The following NEGR1 variants were observed in gnomAD, a reference collection of about 807,000 sequenced individuals.
NEGR1 encodes IgLON family member 4.
In NEGR1, 10 loss-of-function variants were observed where a neutral mutation model predicts 40.9. The observed-to-expected ratio is 0.24, with a 90% CI of 0.15 to 0.42. The LOEUF (loss-of-function observed/expected upper bound fraction) is 0.42. Among genes scored for constraint, NEGR1 ranks in the 10% least tolerant of loss-of-function variants. The pLI is 1.00. For synonymous variants in NEGR1, 185 were observed against 166.8 expected (o/e 1.11, Z -0.84); for missense variants, 352 against 438.9 (o/e 0.80, Z 1.77).
chr1:71,867,234 T>C (rs1660142693), intron 2 of NEGR1, among the ~76,000 whole-genome samples: 2 of 151,854 alleles, frequency 1.3e-5, no homozygotes, highest in Non-Finnish European at 2.9e-5. Context: ...AATAGCCAGG[T>C]GTGGTGGCCC....
chr1:71,443,117 T>C (rs1251201399), intron 6 of NEGR1, among the ~76,000 whole-genome samples: 1 of 152,232 alleles, frequency 6.6e-6, no homozygotes, highest in African/African-American at 2.4e-5. Context: ...CCGATTTGTG[T>C]TCTTCATTCG....
chr1:71,405,428 A>G lies in NEGR1; in HGVS notation c.*2018T>C, dbSNP rs1009579925. ...AAGCTGCAATACAAAATAATATTTT[A>G]TAGTTTATTCAACAATTCCACAAAG... On this transcript the variant is annotated 3_prime_UTR_variant, in exon 7 of 7. Coordinates refer to ENST00000357731, the MANE Select transcript of NEGR1 (RefSeq NM_173808.3). 6.6e-6 allele frequency: 1 copy of G among 152,336 alleles called. No homozygotes were observed. The highest frequency in any genetic ancestry group is 1.5e-5 in the Non-Finnish European group (1 of 67,816). 9.4% of individuals were successfully genotyped at this position (152,336 alleles called of 1,614,324 possible).
At chr1:71,896,927 G>T (rs1413451475) in intron 2 of NEGR1, among the ~76,000 whole-genome samples, 2 of 152,054 alleles carry the variant, frequency 1.3e-5, no homozygotes, top group Admixed American at 6.6e-5. Context: ...AAAAAATGAA[G>T]CTTGGAGAGG....
chr1:72,146,026 C>T lies in NEGR1; in HGVS notation c.176+136293G>A, dbSNP rs1000784102. ...GTTTTCACATGCTGTGTATTTCTCT[C>T]CTCTTTTCTTTTGGCTGTTGTGGTG... On this transcript the variant is annotated intron_variant, in intron 1 of 6. Transcript: ENST00000357731. Among the ~76,000 whole-genome samples the T allele has an allele frequency of 1.4e-4, 21 of 151,838 alleles. No homozygotes were observed. In the East Asian group the frequency reaches 4.1e-3, roughly 29 times the overall value.
intron 6 of NEGR1, among the ~76,000 whole-genome samples, chr1:71,447,481 ATTACTTCGCT>A (rs1646590859): frequency 6.6e-6 from 1 of 152,168 alleles, no homozygotes; most frequent in Non-Finnish European, 1.5e-5. Context: ...TTTCCATGCA[ATTACTTCGCT>A]TTATTTGCAG....
At chr1:71,614,611 A>T (rs1166892499) in intron 4 of NEGR1, among the ~76,000 whole-genome samples, 1 of 152,132 alleles carries the variant, frequency 6.6e-6, no homozygotes, top group African/African-American at 2.4e-5. Context: ...TCTAACTATT[A>T]TTGAAGATGA....
Position 72,155,250 on chromosome 1 carries a change from C to T in NEGR1, c.176+127069G>A, listed in dbSNP as rs140359048. 6.7e-3 allele frequency among the ~76,000 whole-genome samples: 1,020 copies of T among 151,998 alleles called. 10 individuals are homozygous for T. The highest frequency in any genetic ancestry group is 9.6e-3 in the Non-Finnish European group (652 of 67,908). ...ATCTCTCTTTAGTAATAAAACTGTT[C>T]ACTTCAAATGTTAGCAGTTAAAGGA... On this transcript the variant is annotated intron_variant, in intron 1 of 6. Transcript: ENST00000357731.
chr1:72,266,021 C>T (rs982303132), intron 1 of NEGR1, among the ~76,000 whole-genome samples: 1 of 150,788 alleles, frequency 6.6e-6, no homozygotes, highest in Non-Finnish European at 1.5e-5. Context: ...AAATATAGCA[C>T]CTTACTAAAC....
chr1:71,481,869 G>C (rs1191584762), intron 6 of NEGR1, among the ~76,000 whole-genome samples: 1 of 151,770 alleles, frequency 6.6e-6, no homozygotes, highest in Non-Finnish European at 1.5e-5. Flanking sequence ...TTACATTCAT[G>C]CCTTTGGTTT....
intron 1 of NEGR1, among the ~76,000 whole-genome samples, chr1:72,168,669 C>A (rs769684162): frequency 6.6e-6 from 1 of 152,070 alleles, no homozygotes; most frequent in Non-Finnish European, 1.5e-5. Context: ...GCAGGCAGAT[C>A]GCTTGAGCCC....
At chr1:71,988,508 C>G (rs971283578) in intron 1 of NEGR1, among the ~76,000 whole-genome samples, 5 of 130,404 alleles carry the variant, frequency 3.8e-5, no homozygotes, top group African/African-American at 5.9e-5. Flanking sequence ...CACTGCAGTC[C>G]GCAGTCCGTC....
intron 6 of NEGR1, among the ~76,000 whole-genome samples, chr1:71,491,577 C>T (rs1569940459): frequency 1.4e-5 from 2 of 146,356 alleles, no homozygotes; most frequent in Admixed American, 6.8e-5. Flanking sequence ...CAGGGCTTGA[C>T]TTTTTTTTTT....
At chr1:71,772,949 G>GA (rs1338109202) in intron 3 of NEGR1, among the ~76,000 whole-genome samples, 1 of 152,018 alleles carries the variant, frequency 6.6e-6, no homozygotes, top group East Asian at 1.9e-4. Context: ...ATATAGAATG[G>GA]AAAAAACAGA....
intron 3 of NEGR1, among the ~76,000 whole-genome samples, chr1:71,749,323 A>T (rs1489709134): frequency 6.6e-6 from 1 of 152,184 alleles, no homozygotes; most frequent in African/African-American, 2.4e-5. Context: ...ATATAGGCAA[A>T]CTATTCAACA....
In NEGR1 at chr1:72,042,976, A is replaced by G. The variant is rs565028680; in HGVS notation, c.177-107665T>C. 2.9e-3 allele frequency among the ~76,000 whole-genome samples: 448 copies of G among 152,116 alleles called. 2 individuals carry two copies. The highest frequency in any genetic ancestry group is 0.01 in the African/African-American group (430 of 41,538). ...CTACAGAGTTGCATGTTTTCAAAGT[A>G]TGCTTAGTGATATACACATTAATCT... On this transcript the variant is annotated intron_variant, in intron 1 of 6. Coordinates refer to ENST00000357731, the MANE Select transcript of NEGR1 (RefSeq NM_173808.3).
intron 3 of NEGR1, among the ~76,000 whole-genome samples, chr1:71,755,733 T>C (rs1310987304): frequency 2.0e-5 from 3 of 152,196 alleles, no homozygotes; most frequent in African/African-American, 7.2e-5. Context: ...CATTGTTGTA[T>C]TGTTAATGTG....
At chr1:71,870,856 A>C (rs1322060683) in intron 2 of NEGR1, among the ~76,000 whole-genome samples, 2 of 152,178 alleles carry the variant, frequency 1.3e-5, no homozygotes, top group Admixed American at 6.6e-5. Context: ...TGAATGTTCA[A>C]AACACTGCAG....
At chr1:72,019,375 G>C (rs1015566411) in intron 1 of NEGR1, among the ~76,000 whole-genome samples, 1 of 152,134 alleles carries the variant, frequency 6.6e-6, no homozygotes, top group Admixed American at 6.5e-5. Context: ...GAAGTCTAAA[G>C]AGTCTTTTCT....
intron 3 of NEGR1, 27 bp from the exon 4 acceptor site, chr1:71,698,166 AT>A (rs765266693): frequency 6.2e-7 from 1 of 1,603,076 alleles, no homozygotes; most frequent in Non-Finnish European, 8.5e-7. Flanking sequence ...AGCATGTTTA[AT>A]TGTAGCCGCC....
Sources: gnomAD v4.1 joint callset for allele counts (sites outside exome capture counted in the v4.1 genomes callset) on GRCh38, gnomAD v4.1.1 for gene constraint, MANE v1.5 for transcripts, NCBI Gene and HGNC (gene_info 2026-07-23, HGNC 2026-07-21) for gene names.